UIMC1: variants seen among roughly 807,000 people sequenced by gnomAD.
UIMC1 encodes the protein ubiquitin interaction motif containing 1, also known as BRCA1-A complex subunit RAP80.
In UIMC1, 42 loss-of-function variants were observed where a neutral mutation model predicts 84.9. That is an observed-to-expected ratio of 0.49 (90% CI 0.39 to 0.64). The LOEUF is 0.64. Among genes scored for constraint, UIMC1 ranks in the 30% least tolerant of loss-of-function variants. The pLI is 0.00. For synonymous variants in UIMC1, 281 were observed against 293.0 expected (o/e 0.96, Z 0.42); for missense variants, 825 against 847.6 (o/e 0.97, Z 0.33).
intron 1 of UIMC1, among the ~76,000 whole-genome samples, chr5:176,991,593 G>GCC (rs1772838753): frequency 7.2e-6 from 1 of 138,260 alleles, no homozygotes; most frequent in African/African-American, 2.8e-5. Context: ...TGGCACTATT[G>GCC]CATTCAAGCC....
chr5:177,000,514 T>TTTTTTTTTTTTTTTTTTTTTTTTTTTTTA (rs1774293765), intron 1 of UIMC1, among the ~76,000 whole-genome samples: 1 of 149,876 alleles, frequency 6.7e-6, no homozygotes, highest in African/African-American at 2.5e-5. Flanking sequence ...TTTTTTTTTT[T>TTTTTTTTTTTTTTTTTTTTTTTTTTTTTA]TTTGAGATGG....
chr5:177,000,567 C>G (rs990752114), intron 1 of UIMC1, among the ~76,000 whole-genome samples: 1 of 141,168 alleles, frequency 7.1e-6, no homozygotes, highest in Admixed American at 7.4e-5. Flanking sequence ...ATGGCACAAT[C>G]TCGGCTCACT....
chr5:176,961,600 GC>G (rs1225361513), intron 6 of UIMC1, among the ~76,000 whole-genome samples: 4 of 45,160 alleles, frequency 8.9e-5, no homozygotes, highest in Non-Finnish European at 1.6e-4. Context: ...TGGGGGGTCA[GC>G]CCCCCGCCCG....
intron 10 of UIMC1, among the ~76,000 whole-genome samples, chr5:176,923,519 C>T (rs1761960137): frequency 6.6e-6 from 1 of 151,126 alleles, no homozygotes; most frequent in Admixed American, 6.6e-5. Flanking sequence ...CACTGCACTC[C>T]AGCCTGGGCA....
At chr5:176,943,017 G>A (rs750044656) in intron 10 of UIMC1, among the ~76,000 whole-genome samples, 2 of 152,132 alleles carry the variant, frequency 1.3e-5, no homozygotes, top group South Asian at 2.1e-4. Flanking sequence ...AGCCAAGATC[G>A]CGCCACTGCA....
intron 11 of UIMC1, among the ~76,000 whole-genome samples, chr5:176,909,120 T>A (rs894621324): frequency 6.6e-6 from 1 of 152,238 alleles, no homozygotes; most frequent in Non-Finnish European, 1.5e-5. Flanking sequence ...CCAGGGTGGA[T>A]GAACTTGTCT....
chr5:176,977,752 A>C (rs1177723177), intron 2 of UIMC1, among the ~76,000 whole-genome samples: 2 of 151,834 alleles, frequency 1.3e-5, no homozygotes, highest in East Asian at 3.9e-4. Flanking sequence ...TCTACTAAAA[A>C]TACAAAAATT....
In UIMC1 at chr5:176,919,989, C is replaced by CA. The variant is rs563728646; in HGVS notation, c.1598-8601dup. On this transcript the variant is annotated intron_variant, in intron 10 of 14. Coordinates refer to ENST00000511320, the MANE Select transcript of UIMC1 (RefSeq NM_001199298.2). ...ATTTTGGGACCAACTTGTCAATTTACAAAAAAAAGTTAGCTGGGATTTTTG... is the reference window on the plus strand; with the variant it reads ...ATTTTGGGACCAACTTGTCAATTTACAAAAAAAAAGTTAGCTGGGATTTTTG... Among the ~76,000 whole-genome samples the CA allele has an allele frequency of 4.0e-5, 6 of 151,802 alleles. No homozygotes were observed. In the East Asian group the frequency reaches 7.7e-4, roughly 20 times the overall value.
intron 10 of UIMC1, among the ~76,000 whole-genome samples, chr5:176,914,982 T>C (rs375676819): frequency 5.3e-5 from 8 of 152,334 alleles, no homozygotes; most frequent in African/African-American, 1.9e-4. Context: ...ACCTCAAAGA[T>C]TACAGAATCC....
chr5:176,940,045 G>C (rs1020192991), intron 10 of UIMC1, among the ~76,000 whole-genome samples: 5 of 152,150 alleles, frequency 3.3e-5, no homozygotes, highest in African/African-American at 1.2e-4. Context: ...TGTCCTCCCT[G>C]AATGGATGAT....
intron 9 of UIMC1, among the ~76,000 whole-genome samples, chr5:176,945,774 A>C (rs1765027077): frequency 6.6e-6 from 1 of 152,204 alleles, no homozygotes; most frequent in Non-Finnish European, 1.5e-5. Context: ...TTTCTGGTCT[A>C]ACCAGTTGTC....
Position 176,969,066 on chromosome 5 carries a change from C to T in UIMC1, c.689G>A (p.Cys230Tyr), listed in dbSNP as rs750089945. 6.2e-7 allele frequency: 1 copy of T among 1,614,242 alleles called. No homozygotes were observed. The highest frequency in any genetic ancestry group is 2.2e-5 in the East Asian group (1 of 44,894). Residue 230 changes from cysteine (C) to tyrosine (Y), a missense_variant, in exon 6 of 15, where the codon TGT (cysteine) becomes TAT (tyrosine). Coordinates refer to ENST00000511320, the MANE Select transcript of UIMC1 (RefSeq NM_001199298.2). Reference sequence around the variant, plus strand: ...CCCAGTACTTTCCTGTGGCTTCCCACACTGTGTGTGCTCAGCCGAGTGGCC... The same window carrying T: ...CCCAGTACTTTCCTGTGGCTTCCCATACTGTGTGTGCTCAGCCGAGTGGCC... ...CTGHSAEHTQ[C>Y]GKPQESTGRG...
chr5:176,909,357 G>C (rs1759812861), intron 11 of UIMC1, among the ~76,000 whole-genome samples: 1 of 151,824 alleles, frequency 6.6e-6, no homozygotes, highest in South Asian at 2.1e-4. Context: ...AATCACTGGG[G>C]GTAAAAGAAA....
intron 7 of UIMC1, among the ~76,000 whole-genome samples, chr5:176,956,528 C>T (rs937575176): frequency 1.3e-5 from 2 of 152,150 alleles, no homozygotes; most frequent in African/African-American, 4.8e-5. Context: ...AAATAAAAAA[C>T]AATTCCAAAC....
intron 1 of UIMC1, among the ~76,000 whole-genome samples, chr5:176,995,668 C>G (rs1462802471): frequency 6.6e-6 from 1 of 151,156 alleles, no homozygotes; most frequent in Non-Finnish European, 1.5e-5. Context: ...ACAGTGAAAC[C>G]CCATCTCTAC....
intron 10 of UIMC1, among the ~76,000 whole-genome samples, chr5:176,940,602 A>T (rs1300265585): frequency 6.6e-6 from 1 of 152,030 alleles, no homozygotes; most frequent in African/African-American, 2.4e-5. Flanking sequence ...CAGACTAAAG[A>T]GCTTTGTCAA....
chr5:176,907,257 G>A, intron 12 of UIMC1, 80 bp from the exon 13 acceptor site: 2 of 1,340,868 alleles, frequency 1.5e-6, no homozygotes, highest in Non-Finnish European at 2.1e-6. Flanking sequence ...GATCACACGT[G>A]TTCATAGAAG....
intron 9 of UIMC1, 27 bp downstream of exon 9, chr5:176,951,447 A>AG: frequency 6.8e-7 from 1 of 1,479,176 alleles, no homozygotes; most frequent in South Asian, 1.4e-5. Flanking sequence ...GAAACCACTG[A>AG]GAAAAAATAT....
chr5:176,977,948 A>T (rs997763832), intron 2 of UIMC1, among the ~76,000 whole-genome samples: 18 of 151,926 alleles, frequency 1.2e-4, no homozygotes, highest in Non-Finnish European at 2.1e-4. Flanking sequence ...TAATAACAAA[A>T]CAAAAACAAA....
Sources: allele counts gnomAD v4.1 joint callset (sites outside exome capture counted in the v4.1 genomes callset), GRCh38; gene constraint gnomAD v4.1.1; transcripts MANE v1.5; gene names NCBI Gene and HGNC (gene_info 2026-07-23, HGNC 2026-07-21).